ATM: variants seen among roughly 807,000 people sequenced by gnomAD.
ATM encodes ATM serine/threonine kinase, also known as serine-protein kinase ATM.
ATM carries 308 observed loss-of-function variants against 387.0 expected under a neutral mutation model. That is an observed-to-expected ratio of 0.80 (90% CI 0.73 to 0.87). The LOEUF (loss-of-function observed/expected upper bound fraction) is 0.87, where lower values mean the gene tolerates loss of function less well. ATM is among the 40% of genes least tolerant of loss of function. The pLI is 0.00. For missense variants in ATM, 3,312 were observed against 3,560.9 expected (o/e 0.93, Z 1.78); for synonymous variants, 1,156 against 1,187.3 (o/e 0.97, Z 0.54).
Position 108,229,215 on chromosome 11 carries a change from C to T in ATM, c.223C>T (p.Leu75=), listed in dbSNP as rs2135034104. 6.2e-7 allele frequency: 1 copy of T among 1,613,328 alleles called. No homozygotes were observed. Among genetic ancestry groups the T allele is most frequent in the Non-Finnish European group, 8.5e-7 (1 of 1,179,654 alleles). The change falls in exon 4 of 63, where the codon CTG becomes TTG. Residue 75 remains leucine, a synonymous_variant. Transcript: ENST00000675843. ...QKYIQKETEC[L]RIAKPNVSAS... ...ATATATTCAGAAAGAAACAGAATGTCTGAGAATAGCAAAACCAAATGTATC... is the reference window on the plus strand; with the variant it reads ...ATATATTCAGAAAGAAACAGAATGTTTGAGAATAGCAAAACCAAATGTATC...
chr11:108,307,720 T>C (rs1363317958), intron 37 of ATM, among the ~76,000 whole-genome samples, 177 bp from the exon 38 acceptor site: 1 of 152,222 alleles, frequency 6.6e-6, no homozygotes, highest in East Asian at 1.9e-4. Flanking sequence ...TTTTTTAAGA[T>C]AACAGTTTCT....
intron 31 of ATM, 124 bp downstream of exon 31, chr11:108,293,601 G>A (rs45565138): frequency 5.6e-6 from 5 of 894,256 alleles, no homozygotes; most frequent in South Asian, 3.0e-5. Flanking sequence ...AAATATATAC[G>A]TAGGCCAGGC....
intron 33 of ATM, among the ~76,000 whole-genome samples, chr11:108,298,935 G>A (rs757716825): frequency 5.3e-5 from 8 of 152,094 alleles, no homozygotes; most frequent in East Asian, 1.9e-4. Flanking sequence ...TTCCATTTAC[G>A]ATAGCATCTA....
intron 38 of ATM, 183 bp downstream of exon 38, chr11:108,308,167 C>T: frequency 1.6e-6 from 1 of 631,592 alleles, no homozygotes; most frequent in Non-Finnish European, 2.8e-6. Flanking sequence ...AAATCAGTGT[C>T]AAGAACTCTC....
intron 45 of ATM, 131 bp downstream of exon 45, chr11:108,321,551 A>G: frequency 2.2e-6 from 3 of 1,344,464 alleles, no homozygotes; most frequent in Non-Finnish European, 3.1e-6. Context: ...AGAAGGCTGA[A>G]GTGGGTGGAT....
At chr11:108,231,787 G>C (rs1395102053) in intron 4 of ATM, among the ~76,000 whole-genome samples, 3 of 150,836 alleles carry the variant, frequency 2.0e-5, no homozygotes, top group Non-Finnish European at 4.4e-5. Flanking sequence ...GAATATTTCA[G>C]ATTGGTGGTA....
At chr11:108,248,181 ACT>A (rs2079948536) in intron 8 of ATM, among the ~76,000 whole-genome samples, 1 of 152,172 alleles carries the variant, frequency 6.6e-6, no homozygotes, top group African/African-American at 2.4e-5. Context: ...ACTCCATTTT[ACT>A]TACCCATCCA....
chr11:108,310,351 A>T, intron 39 of ATM, 36 bp downstream of exon 39: 1 of 1,576,728 alleles, frequency 6.3e-7, no homozygotes, highest in South Asian at 1.1e-5. Context: ...TTTAAAATTA[A>T]TGTTGGCATT....
At position 108,236,281 on chromosome 11, in the gene ATM, C is replaced by T. The variant is rs4987911; in HGVS notation, c.496+447C>T. On this transcript the variant is annotated intron_variant, in intron 5 of 62. Coordinates refer to ENST00000675843, the MANE Select transcript of ATM (RefSeq NM_000051.4). ...AAAGCAGGCAGGGTGCAGTGGCTCA[C>T]GCCTGTAATCCTAGCACTTTGGGAG... The T allele has an allele frequency of 5.5e-3, 1,167 of 210,728 alleles. 7 individuals are homozygous for T. Among genetic ancestry groups the T allele is most frequent in the East Asian group, 9.6e-3 (71 of 7,434 alleles). The allele number at this position is 210,728 out of a possible 1,614,324, so 13.1% of individuals were successfully genotyped here.
chr11:108,358,882 A>G (rs1331670586), intron 61 of ATM, among the ~76,000 whole-genome samples: 2 of 152,050 alleles, frequency 1.3e-5, no homozygotes, highest in African/African-American at 4.8e-5. Flanking sequence ...AAGAAACTGC[A>G]TCAACTAACG....
intron 49 of ATM, 199 bp downstream of exon 49, chr11:108,329,437 C>T (rs1376159551): frequency 3.5e-6 from 2 of 575,082 alleles, no homozygotes; most frequent in South Asian, 4.1e-5. Context: ...GACAAGGTCT[C>T]ACTCTGTCAC....
At chr11:108,330,913 A>C (rs1039947870) in intron 50 of ATM, among the ~76,000 whole-genome samples, 18 of 152,212 alleles carry the variant, frequency 1.2e-4, no homozygotes, top group African/African-American at 4.1e-4. Flanking sequence ...TGAAAACCTT[A>C]GATTATAGTG....
chr11:108,278,581 G>A (rs1377348957), intron 22 of ATM, among the ~76,000 whole-genome samples: 2 of 152,134 alleles, frequency 1.3e-5, no homozygotes, highest in African/African-American at 2.4e-5. Context: ...GGCATATGGC[G>A]TCTACATCTG....
chr11:108,232,277 A>G lies in ATM; in HGVS notation c.331+2954A>G, dbSNP rs73561578. Among the ~76,000 whole-genome samples the G allele has an allele frequency of 9.0e-3, 1,372 of 152,204 alleles. 20 individuals are homozygous for G. Among genetic ancestry groups the G allele is most frequent in the African/African-American group, 0.031 (1,295 of 41,526 alleles). The stretch of plus-strand genomic sequence containing the variant: ...TTTCAAATTTGACTTTGTTACTTAA[A>G]CCTTTTTAATATTGGGGCAAAACCA... On this transcript the variant is annotated intron_variant, in intron 4 of 62. Coordinates refer to ENST00000675843, the MANE Select transcript of ATM (RefSeq NM_000051.4).
At chr11:108,236,100 C>T (rs1228112474) in intron 5 of ATM, 2 of 463,550 alleles carry the variant, frequency 4.3e-6, no homozygotes, top group African/African-American at 2.0e-5. Context: ...AAGGAGTTGA[C>T]AGTGGCAGAA....
At position 108,364,416 on chromosome 11, in the gene ATM, A is replaced by G. The variant is rs537106841; in HGVS notation, c.8851-666A>G. Among the ~76,000 whole-genome samples, 108 of 152,252 alleles carry G rather than the reference A, an allele frequency of 7.1e-4. 1 individual carries two copies. The highest frequency in any genetic ancestry group is 2.5e-3 in the African/African-American group (102 of 41,552). On this transcript the variant is annotated intron_variant, in intron 61 of 62. Coordinates refer to ENST00000675843, the MANE Select transcript of ATM (RefSeq NM_000051.4). ...ATGAACTCACTTTCTAAAATTTACG[A>G]CCTAAAGCTACTTGCTCTAGCCATG...
At chr11:108,266,247 A>G (rs546297515) in intron 16 of ATM, among the ~76,000 whole-genome samples, 30 of 151,564 alleles carry the variant, frequency 2.0e-4, no homozygotes, top group African/African-American at 6.3e-4. Context: ...ATGTCCAACA[A>G]TGATAGACTG....
intron 61 of ATM, among the ~76,000 whole-genome samples, chr11:108,358,728 T>C (rs564446377): frequency 1.7e-3 from 248 of 150,250 alleles, no homozygotes; most frequent in African/African-American, 5.6e-3. Context: ...TAAAATACTT[T>C]ACAGACAAGC....
At chr11:108,336,577 T>G (rs227063) in intron 56 of ATM, among the ~76,000 whole-genome samples, 83,205 of 151,958 alleles carry the variant, frequency 0.55, 23,207 homozygotes, top group Middle Eastern at 0.75. Context: ...TGGGCATTTG[T>G]GTTGTTTTCA....
Sources: allele counts gnomAD v4.1 joint callset (sites outside exome capture counted in the v4.1 genomes callset), GRCh38; gene constraint gnomAD v4.1.1; transcripts MANE v1.5; gene names NCBI Gene and HGNC (gene_info 2026-07-23, HGNC 2026-07-21).